The following PDZRN3 variants were observed in gnomAD, a reference collection of about 807,000 sequenced individuals.
The protein encoded by PDZRN3 is PDZ domain containing ring finger 3.
A neutral mutation model predicts 85.7 loss-of-function variants in PDZRN3; 38 were observed. The observed-to-expected ratio is 0.44, with a 90% CI of 0.34 to 0.58. The LOEUF (loss-of-function observed/expected upper bound fraction) is 0.58, where lower values mean the gene tolerates loss of function less well. Among genes scored for constraint, PDZRN3 ranks in the 20% least tolerant of loss-of-function variants. The pLI is 0.01. For missense variants in PDZRN3, 1,629 were observed against 1,506.4 expected (o/e 1.08, Z -1.35); for synonymous variants, 759 against 638.0 (o/e 1.19, Z -2.86).
chr3:73,480,381 C>T (rs1223218365), intron 3 of PDZRN3, among the ~76,000 whole-genome samples: 6 of 152,192 alleles, frequency 3.9e-5, no homozygotes, highest in Admixed American at 6.5e-5. Context: ...AATTCCTTGG[C>T]TCTTGTTCAA....
chr3:73,588,418 CAT>C, intron 3 of PDZRN3, among the ~76,000 whole-genome samples: 1 of 152,228 alleles, frequency 6.6e-6, no homozygotes, highest in South Asian at 2.1e-4. Flanking sequence ...CCAAATGTAA[CAT>C]AAAGAAAGTG....
chr3:73,566,433 T>C (rs779279336), intron 3 of PDZRN3, among the ~76,000 whole-genome samples: 7 of 152,202 alleles, frequency 4.6e-5, no homozygotes, highest in Admixed American at 2.0e-4. Context: ...AAGGAAAATA[T>C]GAATTTATGT....
At chr3:73,426,645 C>G (rs1310968645) in intron 3 of PDZRN3, among the ~76,000 whole-genome samples, 1 of 152,218 alleles carries the variant, frequency 6.6e-6, no homozygotes, top group East Asian at 1.9e-4. Flanking sequence ...AGGCTTAGGT[C>G]ACCTAGCAGT....
intron 5 of PDZRN3, among the ~76,000 whole-genome samples, chr3:73,396,450 G>C (rs1047430189): frequency 3.3e-5 from 5 of 152,094 alleles, no homozygotes; most frequent in African/African-American, 1.2e-4. Flanking sequence ...ATCCAGGATG[G>C]GGCTGACCAG....
chr3:73,580,280 C>T (rs982926775), intron 3 of PDZRN3, among the ~76,000 whole-genome samples: 6 of 152,134 alleles, frequency 3.9e-5, no homozygotes, highest in Non-Finnish European at 8.8e-5. Flanking sequence ...AGGATGAGAG[C>T]CTCTGAGAAT....
At chr3:73,559,094 A>G (rs1372001737) in intron 3 of PDZRN3, among the ~76,000 whole-genome samples, 1 of 152,194 alleles carries the variant, frequency 6.6e-6, no homozygotes, top group African/African-American at 2.4e-5. Flanking sequence ...TGGAACACAC[A>G]GGCAGACACA....
intron 3 of PDZRN3, among the ~76,000 whole-genome samples, chr3:73,582,745 AC>A (rs1282212188): frequency 6.6e-6 from 1 of 151,910 alleles, no homozygotes; most frequent in Non-Finnish European, 1.5e-5. Flanking sequence ...GAAGGCACTT[AC>A]CCCGCGTCTC....
At chr3:73,519,688 A>G (rs1346324102) in intron 3 of PDZRN3, among the ~76,000 whole-genome samples, 1 of 152,192 alleles carries the variant, frequency 6.6e-6, no homozygotes, top group Non-Finnish European at 1.5e-5. Context: ...ACATCAAGTT[A>G]CGTCAAGCTA....
chr3:73,525,883 T>C (rs1293199292), intron 3 of PDZRN3, among the ~76,000 whole-genome samples: 1 of 152,194 alleles, frequency 6.6e-6, no homozygotes, highest in Non-Finnish European at 1.5e-5. Context: ...TAGCTGTGCA[T>C]TGTCTTTATG....
chr3:73,510,793 T>C (rs545882133), intron 3 of PDZRN3, among the ~76,000 whole-genome samples: 1 of 152,330 alleles, frequency 6.6e-6, no homozygotes, highest in African/African-American at 2.4e-5. Context: ...TAAAGTTTAA[T>C]TTATAGATCA....
chr3:73,440,030 G>A (rs1012986607), intron 3 of PDZRN3, among the ~76,000 whole-genome samples: 3 of 150,778 alleles, frequency 2.0e-5, no homozygotes, highest in Non-Finnish European at 2.9e-5. Context: ...GAGCCACCGC[G>A]CCCAGACTCT....
intron 3 of PDZRN3, among the ~76,000 whole-genome samples, chr3:73,465,066 A>C (rs1019959527): frequency 6.6e-6 from 1 of 152,144 alleles, no homozygotes; most frequent in Non-Finnish European, 1.5e-5. Context: ...TCTGTTGCTA[A>C]GTTGTCTCTA....
chr3:73,383,243 T>C lies in PDZRN3; in HGVS notation c.*122A>G. 2.2e-6 allele frequency: 2 copies of C among 928,166 alleles called. No homozygotes were observed. Among genetic ancestry groups the C allele is most frequent in the Non-Finnish European group, 3.3e-6 (2 of 610,204 alleles). 57.5% of individuals were successfully genotyped at this position (928,166 alleles called of 1,614,324 possible). A position where few individuals can be genotyped will look rare whatever the true frequency, so the allele number is the denominator to read the frequency against. ...ACCCAGAGTTGTAGGGTTTGCAAAT[T>C]TGGACTATAAACATGAAGACCGTAC... On this transcript the variant is annotated 3_prime_UTR_variant, in exon 10 of 10. Transcript: ENST00000263666.
chr3:73,586,660 G>A (rs1349563692), intron 3 of PDZRN3, among the ~76,000 whole-genome samples: 1 of 152,192 alleles, frequency 6.6e-6, no homozygotes, highest in Non-Finnish European at 1.5e-5. Context: ...CTATTTAGGT[G>A]TAACTTACTA....
intron 3 of PDZRN3, among the ~76,000 whole-genome samples, chr3:73,577,259 C>T (rs1232742922): frequency 1.3e-5 from 2 of 152,226 alleles, no homozygotes; most frequent in Non-Finnish European, 2.9e-5. Context: ...CCTTACATGA[C>T]TAGCTTCTGC....
intron 3 of PDZRN3, among the ~76,000 whole-genome samples, chr3:73,597,989 G>C (rs777185193): frequency 2.6e-5 from 4 of 152,046 alleles, no homozygotes; most frequent in Non-Finnish European, 5.9e-5. Flanking sequence ...TGTTCTCCAC[G>C]TGTCACATCC....
chr3:73,476,228 C>T (rs566546195), intron 3 of PDZRN3, among the ~76,000 whole-genome samples: 1 of 152,266 alleles, frequency 6.6e-6, no homozygotes, highest in East Asian at 1.9e-4. Context: ...ACAGGCTATA[C>T]AGGAGCATGG....
intron 3 of PDZRN3, among the ~76,000 whole-genome samples, chr3:73,583,200 A>G (rs961773874): frequency 3.3e-5 from 5 of 152,224 alleles, no homozygotes; most frequent in African/African-American, 1.2e-4. Context: ...TTCAGGCAAG[A>G]ACATGAAGGT....
rs113373229 is a variant in PDZRN3, at chr3:73,387,314, G to A, written c.1518+654C>T. The stretch of plus-strand genomic sequence containing the variant: ...TGGAGCCATTCTAAGTGGATCAAGA[G>A]TGCCACCTGGGTGAGTTCATGATTC... On this transcript the variant is annotated intron_variant, in intron 8 of 9. Transcript: ENST00000263666. Among the ~76,000 whole-genome samples, 415 of 152,356 alleles carry A rather than the reference G, an allele frequency of 2.7e-3. 1 individual carries two copies. The highest frequency in any genetic ancestry group is 9.7e-3 in the African/African-American group (403 of 41,580).
Sources: allele counts gnomAD v4.1 joint callset (sites outside exome capture counted in the v4.1 genomes callset), GRCh38; gene constraint gnomAD v4.1.1; transcripts MANE v1.5; gene names NCBI Gene and HGNC (gene_info 2026-07-23, HGNC 2026-07-21).